FXYD6: variants seen among roughly 807,000 people sequenced by gnomAD.
The protein encoded by FXYD6 is FXYD domain containing ion transport regulator 6.
Under a neutral mutation model 16.7 loss-of-function variants are expected in FXYD6, and 7 were observed. The ratio of observed to expected loss-of-function variants is 0.42; its 90% CI spans 0.24 to 0.79. The LOEUF is 0.79. FXYD6 is among the 30% of genes least tolerant of loss of function. The pLI is 0.28. For synonymous variants in FXYD6, 49 were observed against 43.0 expected, an observed-to-expected ratio of 1.14 and a Z score of -0.54; for missense variants, 111 against 116.2, an observed-to-expected ratio of 0.95 and a Z score of 0.21.
rs757351154 is a variant in FXYD6, at chr11:117,840,355, C to T, written c.223G>A (p.Glu75Lys). 18 of 1,614,182 alleles carry T rather than the reference C, an allele frequency of 1.1e-5. No individual in the cohort carries two copies. The highest frequency in any genetic ancestry group is 2.2e-5 in the East Asian group (1 of 44,882). Residue 75 changes from glutamate to lysine, a missense_variant, in exon 6 of 8, where the codon GAG becomes AAG. Glu to Lys is a moderately conservative substitution (Grantham distance 56). Coordinates refer to ENST00000526014, the MANE Select transcript of FXYD6 (RefSeq NM_022003.4). ...FNQKPRAPGD[E>K]EAQVENLITA... ...ATGAGGTTCTCCACCTGGGCTTCCTCATCTCCTGGGGCCCTGCAGGAGAAA... is the reference window on the plus strand; with the variant it reads ...ATGAGGTTCTCCACCTGGGCTTCCTTATCTCCTGGGGCCCTGCAGGAGAAA...
At chr11:117,865,804 G>A (rs2057001033) in intron 1 of FXYD6, among the ~76,000 whole-genome samples, 1 of 152,194 alleles carries the variant, frequency 6.6e-6, no homozygotes, top group African/African-American at 2.4e-5. Context: ...GTGCGCGCCT[G>A]TAGTTCCAGC....
Position 117,842,767 on chromosome 11 carries a change from C to A in FXYD6, c.10G>T (p.Val4Leu). The change falls in exon 2 of 8, where the codon GTG becomes TTG. Residue 4 changes from valine (V) to leucine (L), a missense_variant. Transcript: ENST00000526014. ...AGCAGGCTGCAGAGGAAGACCAGCACCAACTCCATGGCGTCTGGGGACAGA... is the reference window on the plus strand; with the variant it reads ...AGCAGGCTGCAGAGGAAGACCAGCAACAACTCCATGGCGTCTGGGGACAGA... MEL[V>L]LVFLCSLLAP... 1 of 1,567,236 alleles carries A rather than the reference C, an allele frequency of 6.4e-7. No homozygotes were observed. Among genetic ancestry groups the A allele is most frequent in the Non-Finnish European group, 8.7e-7 (1 of 1,155,374 alleles).
chr11:117,846,844 CTTCAGGAA>C (rs2056481514), intron 1 of FXYD6, among the ~76,000 whole-genome samples: 2 of 152,128 alleles, frequency 1.3e-5, no homozygotes, highest in Admixed American at 6.5e-5. Flanking sequence ...CCTCCTCTTT[CTTCAGGAA>C]TGTCTTCATT....
At chr11:117,840,262 C>T in intron 6 of FXYD6, 57 bp downstream of exon 6, 1 of 1,610,136 alleles carries the variant, frequency 6.2e-7, no homozygotes, top group Non-Finnish European at 8.5e-7. Flanking sequence ...TCCTGAGCCA[C>T]AGAGGGGTCT....
chr11:117,858,612 G>A (rs1006366120), intron 1 of FXYD6, among the ~76,000 whole-genome samples: 6 of 151,312 alleles, frequency 4.0e-5, no homozygotes, highest in Non-Finnish European at 5.9e-5. Context: ...ACGGAGAGTC[G>A]ATTCTGCTTC....
intron 7 of FXYD6, chr11:117,838,735 T>G (rs2056259019): frequency 5.3e-6 from 1 of 187,512 alleles, no homozygotes; most frequent in African/African-American, 2.3e-5. Context: ...ATCACTTGCC[T>G]TCGAGAGCCC....
intron 7 of FXYD6, chr11:117,838,541 G>A: frequency 2.1e-6 from 1 of 478,148 alleles, no homozygotes; most frequent in Non-Finnish European, 3.7e-6. Context: ...CTGAGCCTTA[G>A]GATAAAAGGT....
intron 1 of FXYD6, among the ~76,000 whole-genome samples, chr11:117,845,176 A>T (rs1040509675): frequency 1.3e-5 from 2 of 152,188 alleles, no homozygotes; most frequent in African/African-American, 4.8e-5. Context: ...CAACCCTGAA[A>T]CCATTCATCT....
chr11:117,860,894 C>T (rs912904360), intron 1 of FXYD6, among the ~76,000 whole-genome samples: 27 of 152,336 alleles, frequency 1.8e-4, no homozygotes, highest in African/African-American at 5.3e-4. Context: ...CACAGACGGG[C>T]AGACTGAGGT....
chr11:117,838,414 C>T (rs530780360), intron 7 of FXYD6, 137 bp from the exon 8 acceptor site: 2 of 670,824 alleles, frequency 3.0e-6, no homozygotes, highest in East Asian at 5.4e-5. Flanking sequence ...AGAAAGGAGA[C>T]AAAGACACAG....
At chr11:117,839,397 A>C (rs2056282060) in intron 7 of FXYD6, 1 of 247,120 alleles carries the variant, frequency 4.0e-6, no homozygotes. Context: ...AAGGTGTTTA[A>C]AAAAACAAGT....
intron 1 of FXYD6, among the ~76,000 whole-genome samples, chr11:117,855,609 G>A (rs2056706885): frequency 6.6e-6 from 1 of 152,176 alleles, no homozygotes; most frequent in African/African-American, 2.4e-5. Context: ...GGGTGGGGAG[G>A]GTAAGAGGCT....
At chr11:117,845,241 T>C (rs2056444134) in intron 1 of FXYD6, among the ~76,000 whole-genome samples, 1 of 152,196 alleles carries the variant, frequency 6.6e-6, no homozygotes, top group South Asian at 2.1e-4. Context: ...AATGAAATAA[T>C]AAAATACATG....
rs370365164 is a variant in FXYD6, at chr11:117,842,964, C to T, written c.-5-183G>A. Among the ~76,000 whole-genome samples the T allele has an allele frequency of 4.6e-5, 7 of 151,806 alleles. No individual in the cohort carries two copies. In the South Asian group the frequency reaches 6.3e-4, roughly 14 times the overall value. On this transcript the variant is annotated intron_variant, in intron 1 of 7. Coordinates refer to ENST00000526014, the MANE Select transcript of FXYD6 (RefSeq NM_022003.4). ...TTTTTTTTTTTTTGAGACAGAGTCT[C>T]GCTATCTTGCCCAGGCTAGAGCGTA... is the stretch of plus-strand genomic sequence containing the variant.
In FXYD6 at chr11:117,870,327, A is replaced by T. The variant is rs2057108108; in HGVS notation, c.-6+6265T>A. ...AGAAGCCACAGGCTGGGGCCCCAGC[A>T]GGCTGCACGCCCCAGCAGGGCGTGA... On this transcript the variant is annotated intron_variant, in intron 1 of 7. Coordinates refer to ENST00000526014, the MANE Select transcript of FXYD6 (RefSeq NM_022003.4). This position sits in a 1 kb window ranked among gnomAD's most constrained non-coding sequence, Gnocchi z 4.2. Among the ~76,000 whole-genome samples, 2 of 152,116 alleles carry T rather than the reference A, an allele frequency of 1.3e-5. No homozygotes were observed. The highest frequency in any genetic ancestry group is 4.1e-4 in the South Asian group (2 of 4,828).
intron 1 of FXYD6, among the ~76,000 whole-genome samples, chr11:117,850,198 C>T (rs1363117915): frequency 6.6e-6 from 1 of 152,248 alleles, no homozygotes; most frequent in Admixed American, 6.5e-5. Context: ...CTCCGGCCTC[C>T]TTGCTTGGTG....
intron 1 of FXYD6, among the ~76,000 whole-genome samples, chr11:117,849,927 G>A (rs897707410): frequency 5.3e-5 from 8 of 152,050 alleles, no homozygotes; most frequent in African/African-American, 1.9e-4. Flanking sequence ...CCTTCAACTG[G>A]GCATGTGCAA....
intron 2 of FXYD6, 68 bp downstream of exon 2, chr11:117,842,651 A>G: frequency 2.0e-6 from 3 of 1,499,344 alleles, no homozygotes; most frequent in Non-Finnish European, 1.8e-6. Context: ...GGGGCCCAGA[A>G]CCTTCCAGCA....
chr11:117,857,887 A>C (rs2056771853), intron 1 of FXYD6, among the ~76,000 whole-genome samples: 1 of 152,176 alleles, frequency 6.6e-6, no homozygotes, highest in African/African-American at 2.4e-5. Context: ...TGCCTGCACA[A>C]TATCAGCCTT....
Sources: allele counts gnomAD v4.1 joint callset (sites outside exome capture counted in the v4.1 genomes callset), GRCh38; gene constraint gnomAD v4.1.1; non-coding constraint Gnocchi (gnomAD v3.1); transcripts MANE v1.5; gene names NCBI Gene and HGNC (gene_info 2026-07-23, HGNC 2026-07-21).